The following FBXW7 variants were observed in gnomAD, a reference collection of about 807,000 sequenced individuals.
FBXW7 encodes the protein F-box/WD repeat-containing protein 7.
In FBXW7, 11 loss-of-function variants were observed where a neutral mutation model predicts 86.3. The ratio of observed to expected loss-of-function variants is 0.13; its 90% CI spans 0.08 to 0.21. The LOEUF (loss-of-function observed/expected upper bound fraction) is 0.21. Ranked by LOEUF, FBXW7 falls within the 10% of genes least tolerant of loss-of-function variation. The pLI is 1.00. For missense variants in FBXW7, 488 were observed against 847.4 expected, an observed-to-expected ratio of 0.58 and a Z score of 5.27; for synonymous variants, 313 against 297.9, an observed-to-expected ratio of 1.05 and a Z score of -0.52.
At chr4:152,431,595 G>T (rs1026592202) in intron 2 of FBXW7, among the ~76,000 whole-genome samples, 1 of 152,114 alleles carries the variant, frequency 6.6e-6, no homozygotes, top group Non-Finnish European at 1.5e-5. Context: ...GTCCACTGGG[G>T]CCTAGGGCAG....
At chr4:152,370,601 C>A (rs906979430) in intron 4 of FBXW7, among the ~76,000 whole-genome samples, 8 of 151,812 alleles carry the variant, frequency 5.3e-5, no homozygotes, top group African/African-American at 7.3e-5. Context: ...TGGATCACTG[C>A]AATGTTTTTA....
chr4:152,455,852 T>A (rs1348958043), intron 2 of FBXW7, among the ~76,000 whole-genome samples: 1 of 152,178 alleles, frequency 6.6e-6, no homozygotes, highest in African/African-American at 2.4e-5. Context: ...TTACAAGGAC[T>A]CTCTGATTAC....
intron 2 of FBXW7, among the ~76,000 whole-genome samples, chr4:152,436,910 G>A (rs1020577084): frequency 2.6e-5 from 4 of 152,134 alleles, no homozygotes; most frequent in African/African-American, 4.8e-5. Flanking sequence ...CAATGACAAC[G>A]AACCTGGTCA....
intron 4 of FBXW7, among the ~76,000 whole-genome samples, chr4:152,364,760 A>G (rs1007868432): frequency 6.6e-6 from 1 of 152,146 alleles, no homozygotes; most frequent in African/African-American, 2.4e-5. Context: ...ATGTATGGTT[A>G]TCATTCCTAA....
intron 2 of FBXW7, among the ~76,000 whole-genome samples, chr4:152,461,325 T>C (rs1200307582): frequency 6.6e-6 from 1 of 152,200 alleles, no homozygotes; most frequent in African/African-American, 2.4e-5. Flanking sequence ...AATTCTCTTT[T>C]GCTTCTTCTT....
chr4:152,481,404 T>C (rs1055594716), intron 2 of FBXW7, among the ~76,000 whole-genome samples: 3 of 152,200 alleles, frequency 2.0e-5, no homozygotes, highest in African/African-American at 7.2e-5. Context: ...GATGGAGATA[T>C]ACCAGAAGAC....
At chr4:152,528,614 T>G (rs1035422226) in intron 2 of FBXW7, among the ~76,000 whole-genome samples, 2 of 152,164 alleles carry the variant, frequency 1.3e-5, no homozygotes, top group Admixed American at 6.5e-5. Context: ...ATTCTTAAGT[T>G]GTAATAGGAA....
chr4:152,408,231 GC>G (rs1737605254), intron 4 of FBXW7, among the ~76,000 whole-genome samples: 1 of 152,130 alleles, frequency 6.6e-6, no homozygotes. Context: ...ACCAGATCTG[GC>G]CTAATAATCA....
intron 2 of FBXW7, among the ~76,000 whole-genome samples, chr4:152,457,038 T>TA (rs1742478406): frequency 6.6e-6 from 1 of 152,054 alleles, no homozygotes; most frequent in Non-Finnish European, 1.5e-5. Context: ...ATTCCCCAGT[T>TA]AAAAAAACAA....
chr4:152,346,795 A>C, intron 6 of FBXW7, 135 bp downstream of exon 6: 1 of 1,226,888 alleles, frequency 8.2e-7, no homozygotes, highest in Non-Finnish European at 1.1e-6. Flanking sequence ...GGCTTCTTTC[A>C]CTTGGCAGAA....
rs961397376 is a variant in FBXW7 at position 152,494,717 on chromosome 4, G to C, written c.-120+40224C>G. Among the ~76,000 whole-genome samples, 21 of 152,158 alleles carry C rather than the reference G, an allele frequency of 1.4e-4. 1 individual carries two copies. Among genetic ancestry groups the C allele is most frequent in the Admixed American group, 1.2e-3 (18 of 15,282 alleles). ...TATTGTAGGACCTGGAATGTACAAGGAGATTATGAGGAATACACCACTATC... is the reference window on the plus strand; with the variant it reads ...TATTGTAGGACCTGGAATGTACAAGCAGATTATGAGGAATACACCACTATC... On this transcript the variant is annotated intron_variant, in intron 2 of 13. Transcript: ENST00000281708.
chr4:152,468,235 GAGTTACACAC>G (rs748359556), intron 2 of FBXW7, among the ~76,000 whole-genome samples: 17 of 152,220 alleles, frequency 1.1e-4, no homozygotes, highest in Non-Finnish European at 2.1e-4. Flanking sequence ...GTTCCTCAAA[GAGTTACACAC>G]AGGTACTATA....
At chr4:152,398,040 C>T (rs1303771729) in intron 4 of FBXW7, among the ~76,000 whole-genome samples, 1 of 151,768 alleles carries the variant, frequency 6.6e-6, no homozygotes. Flanking sequence ...TTTGTTGTTA[C>T]TAAGTAGCAA....
At chr4:152,344,723 G>A (rs1050544999) in intron 6 of FBXW7, among the ~76,000 whole-genome samples, 2 of 151,978 alleles carry the variant, frequency 1.3e-5, no homozygotes, top group Non-Finnish European at 1.5e-5. Flanking sequence ...AAGCTGAAAT[G>A]CCTCTTCCTA....
Position 152,322,464 on chromosome 4 carries a change from A to G in FBXW7, c.*417T>C, listed in dbSNP as rs767644947. The G allele has an allele frequency of 2.9e-5, 7 of 240,386 alleles. No homozygotes were observed. Among genetic ancestry groups the G allele is most frequent in the Non-Finnish European group, 4.9e-5 (6 of 122,574 alleles). The allele number at this position is 240,386 out of a possible 1,614,324, so 14.9% of individuals were successfully genotyped here. On this transcript the variant is annotated 3_prime_UTR_variant, in exon 14 of 14. Coordinates refer to ENST00000281708, the MANE Select transcript of FBXW7 (RefSeq NM_001349798.2). The stretch of plus-strand genomic sequence containing the variant: ...AGAAAGTCAACCAGTACTTGTTTTG[A>G]TATTATTGCAGTTCCTTTCTAGGTG...
At chr4:152,472,143 C>A (rs1296691274) in intron 2 of FBXW7, among the ~76,000 whole-genome samples, 1 of 151,914 alleles carries the variant, frequency 6.6e-6, no homozygotes. Context: ...AAAGACAATA[C>A]CAAGTGTAAG....
chr4:152,438,377 A>G (rs574039749), intron 2 of FBXW7, among the ~76,000 whole-genome samples: 41 of 151,926 alleles, frequency 2.7e-4, no homozygotes, highest in African/African-American at 9.4e-4. Flanking sequence ...TCTTCAAAGT[A>G]TTAATTCTAA....
chr4:152,445,936 A>C lies in FBXW7; in HGVS notation c.-119-33407T>G, dbSNP rs1178044498. Reference sequence around the variant, plus strand: ...AAAAAAAAAAAAAAAAAAAAAAAAAAAAAAAACCAAAGTGCTTAGTACAGC... The same window carrying C: ...AAAAAAAAAAAAAAAAAAAAAAAAACAAAAAACCAAAGTGCTTAGTACAGC... On this transcript the variant is annotated intron_variant, in intron 2 of 13. Coordinates refer to ENST00000281708, the MANE Select transcript of FBXW7 (RefSeq NM_001349798.2). 3.8e-5 allele frequency among the ~76,000 whole-genome samples: 5 copies of C among 132,034 alleles called. No individual in the cohort carries two copies. In the Admixed American group the frequency reaches 3.9e-4, roughly 10 times the overall value. 86.6% of individuals were successfully genotyped at this position (132,034 alleles called of 152,430 possible). A position where few individuals can be genotyped will look rare whatever the true frequency, so the allele number is the denominator to read the frequency against.
At chr4:152,450,633 A>G (rs531596077) in intron 2 of FBXW7, among the ~76,000 whole-genome samples, 1 of 152,330 alleles carries the variant, frequency 6.6e-6, no homozygotes, top group South Asian at 2.1e-4. Flanking sequence ...AACAAGTACC[A>G]GGCATTAAAA....
Sources: allele counts gnomAD v4.1 joint callset (sites outside exome capture counted in the v4.1 genomes callset), GRCh38; gene constraint gnomAD v4.1.1; transcripts MANE v1.5; gene names NCBI Gene and HGNC (gene_info 2026-07-23, HGNC 2026-07-21).